MAGI1: variants seen among roughly 807,000 people sequenced by gnomAD.
MAGI1 encodes membrane-associated guanylate kinase, WW and PDZ domain-containing protein 1.
A neutral mutation model predicts 139.9 loss-of-function variants in MAGI1; 58 were observed. That is an observed-to-expected ratio of 0.41 (90% confidence interval 0.34 to 0.52). The LOEUF is 0.52. Ranked by LOEUF, MAGI1 falls within the 20% of genes least tolerant of loss-of-function variation. The probability of loss-of-function intolerance (pLI) is 0.12; values close to 1 mark genes in which losing one functional copy is unlikely to be tolerated. For synonymous variants in MAGI1, 812 were observed against 737.9 expected, an observed-to-expected ratio of 1.10 and a Z score of -1.63; for missense variants, 1,874 against 1,901.6, an observed-to-expected ratio of 0.99 and a Z score of 0.27.
At chr3:65,986,641 G>A (rs2065894317) in intron 1 of MAGI1, among the ~76,000 whole-genome samples, 1 of 152,198 alleles carries the variant, frequency 6.6e-6, no homozygotes, top group Admixed American at 6.5e-5. Flanking sequence ...GGGAAGCTGA[G>A]ATTGTTTTCT....
At position 65,622,020 on chromosome 3, in the gene MAGI1, C is replaced by T; in HGVS notation, c.382G>A (p.Glu128Lys). Reference sequence around the variant, plus strand: ...TTATCCCTTATGGTCTGCTGGAGCTCATGATCAGGAGACCCCTTCTGGAAT... The same window carrying T: ...TTATCCCTTATGGTCTGCTGGAGCTTATGATCAGGAGACCCCTTCTGGAAT... ...QRFQKGSPDH[E>K]LQQTIRDNLY... Residue 128 changes from glutamate to lysine, a missense_variant, in exon 2 of 23, where the codon GAG becomes AAG. Glu to Lys is a moderately conservative substitution (Grantham distance 56). Around this residue, in one of 5 missense-constraint regions of MAGI1, gnomAD observed 648 missense variants for 598.1 expected, o/e 1.08. Transcript: ENST00000402939. 6.2e-7 allele frequency: 1 copy of T among 1,613,988 alleles called. No homozygotes were observed. The highest frequency in any genetic ancestry group is 1.3e-5 in the African/African-American group (1 of 74,994).
intron 1 of MAGI1, among the ~76,000 whole-genome samples, chr3:65,904,587 C>T (rs2061363899): frequency 6.6e-6 from 1 of 152,214 alleles, no homozygotes. Flanking sequence ...TAGGATGTAG[C>T]TTCCACCATC....
intron 1 of MAGI1, among the ~76,000 whole-genome samples, chr3:65,692,331 T>C (rs78374146): frequency 7.9e-5 from 12 of 152,290 alleles, no homozygotes; most frequent in South Asian, 2.1e-4. Context: ...TAGCAGATAT[T>C]TGCTGATGGC....
intron 1 of MAGI1, among the ~76,000 whole-genome samples, chr3:66,014,587 A>G (rs1490579627): frequency 1.3e-5 from 2 of 152,178 alleles, no homozygotes; most frequent in Non-Finnish European, 2.9e-5. Flanking sequence ...AGCCCCACAT[A>G]TATCTTTTAT....
rs779588733 is a variant in MAGI1 at position 65,627,485 on chromosome 3, C to CTTTTT, written c.314-5402_314-5398dup. On this transcript the variant is annotated intron_variant, in intron 1 of 22. Coordinates refer to ENST00000402939, the MANE Select transcript of MAGI1 (RefSeq NM_001033057.2). ...TTGCCGTTATTTTATATTTCTGTAT[C>CTTTTT]TTTTTTTTTTTTTTTTTTTTTTTTT... Among the ~76,000 whole-genome samples the CTTTTT allele has an allele frequency of 3.9e-4, 11 of 28,354 alleles. 1 individual carries two copies. The highest frequency in any genetic ancestry group is 8.2e-4 in the African/African-American group (7 of 8,490). The allele number at this position is 28,354 out of a possible 152,430, so 18.6% of individuals were successfully genotyped here. A position where few individuals can be genotyped will look rare whatever the true frequency, so the allele number is the denominator to read the frequency against.
intron 1 of MAGI1, among the ~76,000 whole-genome samples, chr3:65,658,058 C>T (rs1311391594): frequency 1.3e-5 from 2 of 152,136 alleles, no homozygotes; most frequent in Non-Finnish European, 2.9e-5. Flanking sequence ...ATTTAATATG[C>T]TAGGACTTTA....
chr3:65,689,634 T>G (rs56906752), intron 1 of MAGI1, among the ~76,000 whole-genome samples: 2 of 152,040 alleles, frequency 1.3e-5, no homozygotes, highest in African/African-American at 4.8e-5. Context: ...TGGTTACAGT[T>G]ACATCGTCTG....
intron 13 of MAGI1, among the ~76,000 whole-genome samples, chr3:65,400,058 A>G (rs2107097768): frequency 6.6e-6 from 1 of 152,268 alleles, no homozygotes; most frequent in African/African-American, 2.4e-5. Context: ...TATGAGACAC[A>G]TCTTCTGGAT....
intron 1 of MAGI1, among the ~76,000 whole-genome samples, chr3:65,777,434 T>C (rs1166589099): frequency 6.6e-6 from 1 of 152,084 alleles, no homozygotes; most frequent in African/African-American, 2.4e-5. Context: ...ACCATTTTAC[T>C]AAAATAAAGG....
intron 12 of MAGI1, among the ~76,000 whole-genome samples, chr3:65,418,687 CA>C: frequency 6.6e-6 from 1 of 152,156 alleles, no homozygotes; most frequent in Non-Finnish European, 1.5e-5. Flanking sequence ...TGGTATCTCT[CA>C]TCTTCAAAAC....
chr3:65,766,563 C>T (rs2037491379), intron 1 of MAGI1, among the ~76,000 whole-genome samples: 2 of 152,118 alleles, frequency 1.3e-5, no homozygotes, highest in Non-Finnish European at 2.9e-5. Flanking sequence ...GGCCCTTGGC[C>T]GCAAGAATTA....
intron 2 of MAGI1, chr3:65,609,911 C>T: frequency 3.7e-5 from 1 of 26,942 alleles, no homozygotes; most frequent in Non-Finnish European, 1.1e-4. Flanking sequence ...CTGTTAGAAC[C>T]CGCATATGAC....
At chr3:66,020,913 G>A (rs2067925684) in intron 1 of MAGI1, among the ~76,000 whole-genome samples, 2 of 152,072 alleles carry the variant, frequency 1.3e-5, no homozygotes, top group Non-Finnish European at 2.9e-5. Flanking sequence ...ACTACCATAT[G>A]CTGAGCTTAA....
intron 2 of MAGI1, among the ~76,000 whole-genome samples, chr3:65,597,188 T>C (rs980252964): frequency 6.6e-6 from 1 of 150,950 alleles, no homozygotes; most frequent in Non-Finnish European, 1.5e-5. Flanking sequence ...TCCCTTCCCC[T>C]GCCCTCCACA....
chr3:66,025,381 A>G (rs1366812885), intron 1 of MAGI1, among the ~76,000 whole-genome samples: 5 of 152,150 alleles, frequency 3.3e-5, no homozygotes, highest in Non-Finnish European at 5.9e-5. Flanking sequence ...TCTACCCAAA[A>G]AAAAATTAAT....
chr3:65,548,500 C>T (rs541424563), intron 2 of MAGI1, among the ~76,000 whole-genome samples: 1 of 137,194 alleles, frequency 7.3e-6, no homozygotes, highest in Non-Finnish European at 1.5e-5. Context: ...CAGCTTTATG[C>T]AAACAACACT....
intron 1 of MAGI1, among the ~76,000 whole-genome samples, chr3:65,817,077 T>C (rs543877629): frequency 1.3e-5 from 2 of 152,338 alleles, no homozygotes; most frequent in Admixed American, 1.3e-4. Flanking sequence ...GTCTCACTTT[T>C]ATTTCAATAA....
chr3:65,536,260 T>C (rs985433943), intron 2 of MAGI1, among the ~76,000 whole-genome samples: 4 of 152,196 alleles, frequency 2.6e-5, no homozygotes, highest in African/African-American at 9.6e-5. Context: ...TTCACCTTTG[T>C]ATAATAACTC....
intron 1 of MAGI1, among the ~76,000 whole-genome samples, chr3:65,669,471 T>C (rs1012358469): frequency 6.6e-6 from 1 of 152,176 alleles, no homozygotes; most frequent in Non-Finnish European, 1.5e-5. Flanking sequence ...GCAGATGTTA[T>C]CATCCTTTGG....
Sources: allele counts gnomAD v4.1 joint callset (sites outside exome capture counted in the v4.1 genomes callset), GRCh38; gene constraint gnomAD v4.1.1; regional missense constraint gnomAD v4.1.1; transcripts MANE v1.5; gene names NCBI Gene and HGNC (gene_info 2026-07-23, HGNC 2026-07-21).